Variants in DNAAF2 observed in about 807,000 individuals in gnomAD.
DNAAF2 encodes dynein axonemal assembly factor 2, also known as protein kintoun.
A neutral mutation model predicts 48.8 loss-of-function variants in DNAAF2; 58 were observed. The ratio of observed to expected loss-of-function variants is 1.19; its 90% CI spans 0.96 to 1.48. DNAAF2 has a LOEUF of 1.48. DNAAF2 is among the 40% of genes most tolerant of loss of function. The pLI is 0.00. For missense variants in DNAAF2, 1,241 were observed against 1,116.1 expected, an observed-to-expected ratio of 1.11 and a Z score of -1.59; for synonymous variants, 567 against 481.2, an observed-to-expected ratio of 1.18 and a Z score of -2.33.
At chr14:49,628,620 A>T (rs543774409) in intron 1 of DNAAF2, among the ~76,000 whole-genome samples, 221 of 152,126 alleles carry the variant, frequency 1.5e-3, no homozygotes, top group African/African-American at 5.0e-3. Context: ...ATGCCGGACT[A>T]ATTTTTGTAT....
rs944530412 is a variant in DNAAF2, at chr14:49,633,859, G to A, written c.1291C>T (p.Arg431Cys). The A allele has an allele frequency of 1.3e-6, 2 of 1,550,752 alleles. No homozygotes were observed. The highest frequency in any genetic ancestry group is 2.7e-5 in the African/African-American group (2 of 73,458). Reference sequence around the variant, plus strand: ...TCCTGCTCCCCCGGCTTGGGGACACGCTCCTCTCCAGCTGCGGCCGGCGGA... The same window carrying A: ...TCCTGCTCCCCCGGCTTGGGGACACACTCCTCTCCAGCTGCGGCCGGCGGA... ...APPPAAAGEERVPKPGEQDLS... is the reference protein window; with the variant it reads ...APPPAAAGEECVPKPGEQDLS... Residue 431 changes from arginine (R) to cysteine (C), a missense_variant, in exon 1 of 3, where the codon CGT becomes TGT. By Grantham distance (180) the Arg-to-Cys change is radical. Coordinates refer to ENST00000298292, the MANE Select transcript of DNAAF2 (RefSeq NM_018139.3).
chr14:49,632,196 G>T (rs991221753), intron 1 of DNAAF2, among the ~76,000 whole-genome samples: 1 of 152,178 alleles, frequency 6.6e-6, no homozygotes, highest in African/African-American at 2.4e-5. Context: ...GAAAACAACT[G>T]CCCTTTCCTA....
Position 49,625,373 on chromosome 14 carries a change from T to A in DNAAF2, c.*169A>T, listed in dbSNP as rs530460999. ...AACTCCAGAGGCAAAAAAAAAAAAA[T>A]TATCTCCAATTTCCCCCATGAGAAT... On this transcript the variant is annotated 3_prime_UTR_variant, in exon 3 of 3. Coordinates refer to ENST00000298292, the MANE Select transcript of DNAAF2 (RefSeq NM_018139.3). 39 of 403,488 alleles carry A rather than the reference T, an allele frequency of 9.7e-5. No homozygotes were observed. Among genetic ancestry groups the A allele is most frequent in the Middle Eastern group, 6.9e-4 (1 of 1,452 alleles). The allele number at this position is 403,488 out of a possible 1,614,324, so 25.0% of individuals were successfully genotyped here.
chr14:49,630,733 A>C (rs1340413412), intron 1 of DNAAF2, among the ~76,000 whole-genome samples: 9 of 48,444 alleles, frequency 1.9e-4, no homozygotes, highest in East Asian at 4.8e-4. Flanking sequence ...CACACACACA[A>C]ACTCTCTACA....
intron 1 of DNAAF2, among the ~76,000 whole-genome samples, chr14:49,630,731 C>T (rs2985691): frequency 0.25 from 29,416 of 118,458 alleles, 3,410 homozygotes; most frequent in Admixed American, 0.31. Context: ...CACACACACA[C>T]AAACTCTCTA....
chr14:49,631,315 T>C (rs866196514), intron 1 of DNAAF2, among the ~76,000 whole-genome samples: 9 of 152,100 alleles, frequency 5.9e-5, no homozygotes, highest in South Asian at 2.1e-4. Flanking sequence ...ATAGTGGACA[T>C]GGTTATGATT....
chr14:49,634,862 C>G lies in DNAAF2; in HGVS notation c.288G>C (p.Ala96=). The change falls in exon 1 of 3, where the codon GCG becomes GCC. Residue 96 remains alanine, a synonymous_variant. Coordinates refer to ENST00000298292, the MANE Select transcript of DNAAF2 (RefSeq NM_018139.3). ...RRCFVNVCSN[A]LVGAPSSRPG... ...GCCGGCTGCTGGGCGCGCCCACCAA[C>G]GCGTTGCTGCAGACATTCACAAAGC... is the stretch of plus-strand genomic sequence containing the variant. The G allele has an allele frequency of 6.5e-7, 1 of 1,547,380 alleles. No homozygotes were observed.
At chr14:49,626,490 A>G (rs1335322186) in intron 2 of DNAAF2, among the ~76,000 whole-genome samples, 3 of 152,168 alleles carry the variant, frequency 2.0e-5, no homozygotes, top group Non-Finnish European at 4.4e-5. Context: ...CCCTGTCAAA[A>G]AAAGAAAAAG....
rs570397100 is a variant in DNAAF2, at chr14:49,633,918, C to T, written c.1232G>A (p.Gly411Glu). ...DTCVAGAAGS[G>E]VTTLGDPEVA... ...CTCCGGGTCGCCCAGGGTGGTGACC[C>T]CGGAGCCCGCAGCCCCAGCCACGCA... The change falls in exon 1 of 3, where the codon GGG (glycine) becomes GAG (glutamate). Residue 411 changes from glycine to glutamate, a missense_variant. Physicochemically the swap from Gly to Glu is moderately conservative, Grantham distance 98 (BLOSUM62 -2). Coordinates refer to ENST00000298292, the MANE Select transcript of DNAAF2 (RefSeq NM_018139.3). The T allele has an allele frequency of 2.0e-6, 3 of 1,532,414 alleles. No individual in the cohort carries two copies. Among genetic ancestry groups the T allele is most frequent in the East Asian group, 2.5e-5 (1 of 40,804 alleles). The allele number at this position is 1,532,414 out of a possible 1,614,324, so 94.9% of individuals were successfully genotyped here.
Position 49,628,045 on chromosome 14 carries a change from T to G in DNAAF2, c.1974A>C (p.Gln658His). ...TAATTTGAATCTTATTATCAGTAAC[T>G]TGAAGAACTTCAATTAATGGTGGGG... ...SLTPPLIEVL[Q>H]VTDNKIQINA... The change falls in exon 2 of 3, where the codon CAA becomes CAC. Residue 658 changes from glutamine (Q) to histidine (H), a missense_variant. Coordinates refer to ENST00000298292, the MANE Select transcript of DNAAF2 (RefSeq NM_018139.3). The G allele has an allele frequency of 6.4e-7, 1 of 1,572,420 alleles. No individual in the cohort carries two copies. Among genetic ancestry groups the G allele is most frequent in the Non-Finnish European group, 8.6e-7 (1 of 1,156,862 alleles).
rs1283507680 is a variant in DNAAF2, at chr14:49,633,915, A to G, written c.1235T>C (p.Val412Ala). The change falls in exon 1 of 3, where the codon GTC becomes GCC. Residue 412 changes from valine to alanine, a missense_variant. Val to Ala is a moderately conservative substitution (Grantham distance 64). Transcript: ENST00000298292. ...CACCTCCGGGTCGCCCAGGGTGGTG[A>G]CCCCGGAGCCCGCAGCCCCAGCCAC... ...TCVAGAAGSG[V>A]TTLGDPEVAP... 6.5e-7 allele frequency: 1 copy of G among 1,531,086 alleles called. No homozygotes were observed. Among genetic ancestry groups the G allele is most frequent in the East Asian group, 2.5e-5 (1 of 40,680 alleles). The allele number at this position is 1,531,086 out of a possible 1,614,324, so 94.8% of individuals were successfully genotyped here.
chr14:49,626,235 C>T (rs896958573), intron 2 of DNAAF2, among the ~76,000 whole-genome samples, 187 bp from the exon 3 acceptor site: 2 of 152,150 alleles, frequency 1.3e-5, no homozygotes, highest in Non-Finnish European at 2.9e-5. Context: ...TGCCTGTAAT[C>T]CCAGCACTTT....
chr14:49,633,081 C>T (rs1384617341), intron 1 of DNAAF2, among the ~76,000 whole-genome samples: 1 of 152,020 alleles, frequency 6.6e-6, no homozygotes, highest in African/African-American at 2.4e-5. Flanking sequence ...GCTACCATGC[C>T]CGGCTAATTT....
intron 2 of DNAAF2, among the ~76,000 whole-genome samples, chr14:49,626,882 T>G (rs943060430): frequency 7.0e-6 from 1 of 142,672 alleles, no homozygotes; most frequent in African/African-American, 2.6e-5. Context: ...CTTGGCTTAC[T>G]GCAATCTTTG....
At chr14:49,628,185 C>T (rs1405739889) in intron 1 of DNAAF2, 30 bp from the exon 2 acceptor site, 1 of 1,546,066 alleles carries the variant, frequency 6.5e-7, no homozygotes, top group Non-Finnish European at 8.8e-7. Context: ...AATATTCTGC[C>T]TAATAAGTCC....
In DNAAF2 at chr14:49,634,352, C is replaced by T. The variant is rs1388598523; in HGVS notation, c.798G>A (p.Gln266=). 6.2e-7 allele frequency: 1 copy of T among 1,609,658 alleles called. No individual in the cohort carries two copies. The highest frequency in any genetic ancestry group is 1.1e-5 in the South Asian group (1 of 90,970). Reference sequence around the variant, plus strand: ...CTGAGTCCCTGGAGCAGCGGTAATCCTGGAGGTCCACGTGGTGGCGCTGCA... The same window carrying T: ...CTGAGTCCCTGGAGCAGCGGTAATCTTGGAGGTCCACGTGGTGGCGCTGCA... ...SVVQRHHVDL[Q]DYRCSRDSAP... is the part of the protein sequence containing the mutation. Residue 266 remains glutamine (Q), a synonymous_variant, in exon 1 of 3, where the codon CAG becomes CAA. Transcript: ENST00000298292.
rs1431166346 is a variant in DNAAF2, at chr14:49,634,743, C to T, written c.407G>A (p.Ser136Asn). Residue 136 changes from serine to asparagine, a missense_variant, in exon 1 of 3, where the codon AGC (serine) becomes AAC (asparagine). Ser to Asn is a conservative substitution (Grantham distance 46). Coordinates refer to ENST00000298292, the MANE Select transcript of DNAAF2 (RefSeq NM_018139.3). ...CACGTCGTAGACCATGTAGCGGCTG[C>T]TGCTGCGCCCCGCGTACTCGCGGCC... ...APGREYAGRS[S>N]SRYMVYDVVF... The T allele has an allele frequency of 1.2e-6, 2 of 1,603,094 alleles. No individual in the cohort carries two copies. The highest frequency in any genetic ancestry group is 1.7e-5 in the Admixed American group (1 of 59,490).
Position 49,633,835 on chromosome 14 carries a change from C to G in DNAAF2, c.1315G>C (p.Asp439His), listed in dbSNP as rs371126037. The G allele has an allele frequency of 1.2e-4, 187 of 1,572,966 alleles. 1 individual carries two copies. Among genetic ancestry groups the G allele is most frequent in the Non-Finnish European group, 3.2e-5 (37 of 1,167,472 alleles). Reference protein sequence around the residue: ...EERVPKPGEQDLSRHAGSPPG... With the variant: ...EERVPKPGEQHLSRHAGSPPG... ...GGTGACCCCGCGTGCCTGCTCAAGT[C>G]CTGCTCCCCCGGCTTGGGGACACGC... Residue 439 changes from aspartate to histidine, a missense_variant, in exon 1 of 3, where the codon GAC (aspartate) becomes CAC (histidine). Asp to His is a moderately conservative substitution (Grantham distance 81). Coordinates refer to ENST00000298292, the MANE Select transcript of DNAAF2 (RefSeq NM_018139.3).
At position 49,635,225 on chromosome 14, in the gene DNAAF2, T is replaced by G; in HGVS notation, c.-76A>C. 7 of 1,469,954 alleles carry G rather than the reference T, an allele frequency of 4.8e-6. No individual in the cohort carries two copies. Among genetic ancestry groups the G allele is most frequent in the Non-Finnish European group, 5.6e-6 (6 of 1,077,680 alleles). The allele number at this position is 1,469,954 out of a possible 1,614,324, so 91.1% of individuals were successfully genotyped here. A position where few individuals can be genotyped will look rare whatever the true frequency, so the allele number is the denominator to read the frequency against. On this transcript the variant is annotated 5_prime_UTR_variant, in exon 1 of 3. Transcript: ENST00000298292. ...GGGTTGGGGGATCCGCCTCAGAGTT[T>G]CTGGGCAGCGTACAGTGACGCGGTG...
Sources: allele counts gnomAD v4.1 joint callset (sites outside exome capture counted in the v4.1 genomes callset), GRCh38; gene constraint gnomAD v4.1.1; transcripts MANE v1.5; gene names NCBI Gene and HGNC (gene_info 2026-07-23, HGNC 2026-07-21).